The following NRP2 variants were observed in gnomAD, a reference collection of about 807,000 sequenced individuals.
The protein encoded by NRP2 is neuropilin 2.
Under a neutral mutation model 110.4 loss-of-function variants are expected in NRP2, and 52 were observed. The ratio of observed to expected loss-of-function variants is 0.47; its 90% CI spans 0.38 to 0.59. The LOEUF (loss-of-function observed/expected upper bound fraction) is 0.59. Among genes scored for constraint, NRP2 ranks in the 20% least tolerant of loss-of-function variants. The probability of loss-of-function intolerance (pLI) is 0.00; values close to 1 mark genes in which losing one functional copy is unlikely to be tolerated. For synonymous variants in NRP2, 508 were observed against 468.9 expected, an observed-to-expected ratio of 1.08 and a Z score of -1.08; for missense variants, 1,049 against 1,203.0, an observed-to-expected ratio of 0.87 and a Z score of 1.89.
At chr2:205,716,516 A>G in intron 3 of NRP2, 142 bp downstream of exon 3, 3 of 656,340 alleles carry the variant, frequency 4.6e-6, no homozygotes, top group Non-Finnish European at 7.4e-6. Flanking sequence ...TGAACCCACA[A>G]ACATCATGAG....
chr2:205,705,677 A>G (rs1230492515), intron 2 of NRP2, among the ~76,000 whole-genome samples: 1 of 152,156 alleles, frequency 6.6e-6, no homozygotes, highest in Non-Finnish European at 1.5e-5. Flanking sequence ...CACAGCTGGT[A>G]CTGGTACTAC....
intron 1 of NRP2, among the ~76,000 whole-genome samples, chr2:205,692,844 C>T (rs1175420424): frequency 6.6e-6 from 1 of 152,126 alleles, no homozygotes; most frequent in Non-Finnish European, 1.5e-5. Flanking sequence ...CCCCACCTCA[C>T]TACATGGGCT....
intron 1 of NRP2, among the ~76,000 whole-genome samples, chr2:205,688,977 G>A (rs2056243505): frequency 6.6e-6 from 1 of 152,204 alleles, no homozygotes; most frequent in South Asian, 2.1e-4. Flanking sequence ...CAGGAAAGAG[G>A]GCCAGGATGA....
rs2105981137 is a variant in NRP2 at position 205,795,817 on chromosome 2, G to C, written c.*759G>C. ...AAAATCCATAGAAGCGCCTGGACGA[G>C]GCTTAAAGTGCTTTGTGAGTGAATA... is the stretch of plus-strand genomic sequence containing the variant. On this transcript the variant is annotated 3_prime_UTR_variant, in exon 17 of 17. Coordinates refer to ENST00000357785, the MANE Select transcript of NRP2 (RefSeq NM_003872.3). The C allele has an allele frequency of 6.5e-6, 1 of 152,768 alleles. No individual in the cohort carries two copies. The highest frequency in any genetic ancestry group is 1.5e-5 in the Non-Finnish European group (1 of 68,038). The allele number at this position is 152,768 out of a possible 1,614,324, so 9.5% of individuals were successfully genotyped here.
At chr2:205,715,291 G>C (rs2056872237) in intron 2 of NRP2, among the ~76,000 whole-genome samples, 1 of 152,088 alleles carries the variant, frequency 6.6e-6, no homozygotes, top group Admixed American at 6.5e-5. Context: ...CCCATGAACG[G>C]AGCCAAGGGT....
intron 16 of NRP2, among the ~76,000 whole-genome samples, chr2:205,792,624 C>T (rs2105976526): frequency 6.6e-6 from 1 of 152,288 alleles, no homozygotes; most frequent in East Asian, 1.9e-4. Context: ...TTGACCTTCT[C>T]CCAAAAATGG....
chr2:205,733,898 C>A (rs2057290396), intron 7 of NRP2, among the ~76,000 whole-genome samples: 2 of 152,072 alleles, frequency 1.3e-5, no homozygotes, highest in African/African-American at 4.8e-5. Context: ...CAGGCCTCAG[C>A]GTCTCGATGG....
chr2:205,752,763 A>G, intron 11 of NRP2, 72 bp from the exon 12 acceptor site: 1 of 1,542,292 alleles, frequency 6.5e-7, no homozygotes, highest in Non-Finnish European at 9.0e-7. Context: ...AGCCATTTAA[A>G]TAGTACCACT....
chr2:205,773,179 G>A (rs1330942257), intron 15 of NRP2, among the ~76,000 whole-genome samples: 1 of 152,152 alleles, frequency 6.6e-6, no homozygotes, highest in Non-Finnish European at 1.5e-5. Flanking sequence ...CTGGAACAGG[G>A]CCAGATTCTA....
rs989571486 is a variant in NRP2, at chr2:205,689,750, T to C, written c.73+6387T>C. Among the ~76,000 whole-genome samples, 7 of 152,134 alleles carry C rather than the reference T, an allele frequency of 4.6e-5. No individual in the cohort carries two copies. The East Asian group carries it at 1.2e-3, about 25-fold the overall frequency. ...AATCTCTCATTTCCTTTCCTTTTCC[T>C]CCCCTTCCATCCTTCAACACTGAGA... On this transcript the variant is annotated intron_variant, in intron 1 of 16. Transcript: ENST00000357785.
chr2:205,723,159 T>C (rs2057056063), intron 4 of NRP2, among the ~76,000 whole-genome samples: 1 of 152,210 alleles, frequency 6.6e-6, no homozygotes, highest in Non-Finnish European at 1.5e-5. Context: ...ATCATCATCA[T>C]TATTACTATA....
intron 9 of NRP2, among the ~76,000 whole-genome samples, chr2:205,745,217 G>C (rs1457590198): frequency 1.3e-5 from 2 of 152,160 alleles, no homozygotes; most frequent in African/African-American, 4.8e-5. Context: ...TAAGACTATC[G>C]ATGTGTGACC....
At chr2:205,722,943 G>A (rs1015038747) in intron 4 of NRP2, among the ~76,000 whole-genome samples, 1 of 152,154 alleles carries the variant, frequency 6.6e-6, no homozygotes, top group Non-Finnish European at 1.5e-5. Context: ...TAGATACTTG[G>A]AAAGGATGAG....
intron 10 of NRP2, among the ~76,000 whole-genome samples, chr2:205,746,772 T>G (rs1368292351): frequency 6.6e-6 from 1 of 152,160 alleles, no homozygotes; most frequent in Non-Finnish European, 1.5e-5. Flanking sequence ...GCCGGCAGGA[T>G]GGCATGAGGG....
chr2:205,722,070 G>A (rs2057024326), intron 3 of NRP2, among the ~76,000 whole-genome samples: 1 of 151,866 alleles, frequency 6.6e-6, no homozygotes, highest in African/African-American at 2.4e-5. Flanking sequence ...CTTAAGGATT[G>A]AAATAACTTA....
intron 1 of NRP2, among the ~76,000 whole-genome samples, chr2:205,685,073 T>C (rs543124374): frequency 6.6e-6 from 1 of 152,276 alleles, no homozygotes; most frequent in African/African-American, 2.4e-5. Context: ...TGTTCGCACA[T>C]CTGTCCCCGA....
intron 9 of NRP2, among the ~76,000 whole-genome samples, 156 bp from the exon 10 acceptor site, chr2:205,745,590 C>T (rs998650945): frequency 6.6e-5 from 10 of 152,208 alleles, no homozygotes; most frequent in Admixed American, 5.2e-4. Flanking sequence ...AAATGAAGCT[C>T]GCGTGGATCA....
At chr2:205,775,897 T>G (rs1434672579) in intron 15 of NRP2, among the ~76,000 whole-genome samples, 2 of 152,206 alleles carry the variant, frequency 1.3e-5, no homozygotes, top group African/African-American at 4.8e-5. Context: ...TATAAAGTGA[T>G]TGTGGTTGAA....
At chr2:205,699,952 A>T (rs1025360405) in intron 2 of NRP2, among the ~76,000 whole-genome samples, 1 of 125,506 alleles carries the variant, frequency 8.0e-6, no homozygotes. Context: ...TCCTCCCCCC[A>T]TTTCTCCCCC....
Sources: gnomAD v4.1 joint callset for allele counts (sites outside exome capture counted in the v4.1 genomes callset) on GRCh38, gnomAD v4.1.1 for gene constraint, MANE v1.5 for transcripts, NCBI Gene and HGNC (gene_info 2026-07-23, HGNC 2026-07-21) for gene names.